BCAS3: variants seen among roughly 807,000 people sequenced by gnomAD.
BCAS3 encodes the protein BCAS3 microtubule associated cell migration factor.
BCAS3 carries 53 observed loss-of-function variants against 116.1 expected under a neutral mutation model. That is an observed-to-expected ratio of 0.46 (90% CI 0.37 to 0.57). BCAS3 has a LOEUF of 0.57. Among genes scored for constraint, BCAS3 ranks in the 20% least tolerant of loss-of-function variants. BCAS3 has a pLI of 0.00. For synonymous variants in BCAS3, 391 were observed against 408.2 expected (o/e 0.96, Z 0.51); for missense variants, 917 against 1,165.4 (o/e 0.79, Z 3.10).
At chr17:60,835,362 A>G (rs1224264767) in intron 7 of BCAS3, among the ~76,000 whole-genome samples, 1 of 152,000 alleles carries the variant, frequency 6.6e-6, no homozygotes, top group African/African-American at 2.4e-5. Context: ...CAGATTTGTT[A>G]GTTTTTTCTT....
rs3902106 is a variant in BCAS3, at chr17:61,310,707, G to C, written c.2426-57620G>C. 2.6e-5 allele frequency among the ~76,000 whole-genome samples: 4 copies of C among 152,024 alleles called. No individual in the cohort carries two copies. The South Asian group carries it at 6.2e-4, about 24-fold the overall frequency. On this transcript the variant is annotated intron_variant, in intron 22 of 23. Coordinates refer to ENST00000407086, the MANE Select transcript of BCAS3 (RefSeq NM_017679.5). ...AATTAGAGGTATGAGAGACATGAAGGGGGGCAGGCCTCTGTGCCCCGCCCT... is the reference window on the plus strand; with the variant it reads ...AATTAGAGGTATGAGAGACATGAAGCGGGGCAGGCCTCTGTGCCCCGCCCT...
intron 19 of BCAS3, among the ~76,000 whole-genome samples, chr17:61,046,084 A>ATATAATATATATATT (rs2068293022): frequency 2.7e-5 from 1 of 36,530 alleles, no homozygotes; most frequent in African/African-American, 2.5e-4. Flanking sequence ...ATATATATTT[A>ATATAATATATATATT]TATATATATA....
At chr17:60,954,987 A>C (rs545649482) in intron 14 of BCAS3, among the ~76,000 whole-genome samples, 47 of 152,204 alleles carry the variant, frequency 3.1e-4, no homozygotes, top group African/African-American at 1.1e-3. Flanking sequence ...TTCCTTATCT[A>C]GGTGGAATCA....
rs117065179 is a variant in BCAS3 at position 61,098,720 on chromosome 17, A to G, written c.2425+14156A>G. On this transcript the variant is annotated intron_variant, in intron 22 of 23. Coordinates refer to ENST00000407086, the MANE Select transcript of BCAS3 (RefSeq NM_017679.5). The surrounding 1 kb of genome is among the most constrained non-coding windows in gnomAD (Gnocchi z 4.2). ...AATTCTTAAGTCTCTAAATGTTTTT[A>G]CGTTGTTGTGATCAGGATTTCTTTG... 2.6e-5 allele frequency among the ~76,000 whole-genome samples: 4 copies of G among 152,300 alleles called. No homozygotes were observed. The East Asian group carries it at 7.7e-4, about 29-fold the overall frequency.
At chr17:60,943,682 A>T (rs2060337017) in intron 13 of BCAS3, among the ~76,000 whole-genome samples, 1 of 152,056 alleles carries the variant, frequency 6.6e-6, no homozygotes, top group African/African-American at 2.4e-5. Flanking sequence ...AGATGCAAAC[A>T]TCACTACCAA....
intron 22 of BCAS3, among the ~76,000 whole-genome samples, chr17:61,359,555 C>T (rs1289715373): frequency 1.3e-5 from 2 of 151,330 alleles, no homozygotes; most frequent in Admixed American, 6.6e-5. Context: ...AGTGCGGTGC[C>T]GCGGATCTCA....
chr17:60,764,032 C>T (rs935593048), intron 6 of BCAS3, among the ~76,000 whole-genome samples: 4 of 152,148 alleles, frequency 2.6e-5, no homozygotes, highest in Non-Finnish European at 4.4e-5. Context: ...TCTGTGGGAT[C>T]GCTGGTGAGA....
intron 22 of BCAS3, among the ~76,000 whole-genome samples, chr17:61,340,628 G>A (rs1171223384): frequency 6.6e-6 from 1 of 152,208 alleles, no homozygotes; most frequent in Non-Finnish European, 1.5e-5. Flanking sequence ...GTCGCTGCGG[G>A]GGACGGGGAG....
chr17:60,727,631 A>G (rs748298663), intron 5 of BCAS3: 7 of 531,594 alleles, frequency 1.3e-5, no homozygotes, highest in Non-Finnish European at 1.9e-5. Context: ...CTGAGTAGAA[A>G]GTATACGGAG....
At chr17:61,246,446 T>G (rs2047952165) in intron 22 of BCAS3, among the ~76,000 whole-genome samples, 2 of 124,860 alleles carry the variant, frequency 1.6e-5, no homozygotes, top group African/African-American at 6.5e-5. Context: ...CACACCAGCC[T>G]GGGTAACAGA....
intron 22 of BCAS3, among the ~76,000 whole-genome samples, chr17:61,357,282 TAAA>T (rs1568930911): frequency 4.9e-5 from 7 of 143,884 alleles, no homozygotes; most frequent in East Asian, 2.0e-4. Context: ...ATTAATTAAA[TAAA>T]TAAATAAATA....
chr17:60,938,908 A>G lies in BCAS3; in HGVS notation c.1088-8311A>G, dbSNP rs781612310. Among the ~76,000 whole-genome samples, 124 of 152,230 alleles carry G rather than the reference A, an allele frequency of 8.1e-4. 1 individual carries two copies. The highest frequency in any genetic ancestry group is 2.2e-4 in the Non-Finnish European group (15 of 68,040). The stretch of plus-strand genomic sequence containing the variant: ...GCAAATTAAAACTGTGAGAATACCA[A>G]TTGAAATTATTAAAAAGACTGACAG... On this transcript the variant is annotated intron_variant, in intron 13 of 23. Coordinates refer to ENST00000407086, the MANE Select transcript of BCAS3 (RefSeq NM_017679.5).
intron 15 of BCAS3, among the ~76,000 whole-genome samples, chr17:61,009,675 A>G (rs1031140972): frequency 6.6e-5 from 10 of 152,190 alleles, no homozygotes; most frequent in Middle Eastern, 3.4e-3. Flanking sequence ...ACAACTATAC[A>G]TATGTACACA....
At chr17:60,921,916 T>C (rs532081971) in intron 12 of BCAS3, among the ~76,000 whole-genome samples, 1 of 152,102 alleles carries the variant, frequency 6.6e-6, no homozygotes, top group African/African-American at 2.4e-5. Flanking sequence ...AGAGAGACAT[T>C]TCATTCACGA....
At chr17:60,872,639 C>T (rs1222983721) in intron 8 of BCAS3, among the ~76,000 whole-genome samples, 1 of 151,054 alleles carries the variant, frequency 6.6e-6, no homozygotes, top group East Asian at 1.9e-4. Flanking sequence ...CACATACACA[C>T]ACACCCCGAT....
At chr17:61,094,529 CTGTT>C (rs1326320710) in intron 22 of BCAS3, among the ~76,000 whole-genome samples, 2 of 152,200 alleles carry the variant, frequency 1.3e-5, no homozygotes, top group Admixed American at 6.5e-5. Flanking sequence ...CCACCACTGT[CTGTT>C]TAACAGAGTC....
chr17:61,327,913 A>G lies in BCAS3; in HGVS notation c.2426-40414A>G, dbSNP rs79709069. Among the ~76,000 whole-genome samples the G allele has an allele frequency of 0.014, 2,167 of 152,304 alleles. 44 individuals are homozygous for G. Among genetic ancestry groups the G allele is most frequent in the African/African-American group, 0.047 (1,966 of 41,554 alleles). ...GGTTGATCAGACACTGTTGGTGTAA[A>G]TTGGTGCACCCTTTTTGGAAGGCAG... is the stretch of plus-strand genomic sequence containing the variant. On this transcript the variant is annotated intron_variant, in intron 22 of 23. Coordinates refer to ENST00000407086, the MANE Select transcript of BCAS3 (RefSeq NM_017679.5). This position sits in a 1 kb window ranked among gnomAD's most constrained non-coding sequence, Gnocchi z 5.9.
chr17:60,912,312 A>G (rs1172738621), intron 12 of BCAS3, among the ~76,000 whole-genome samples: 1 of 152,130 alleles, frequency 6.6e-6, no homozygotes, highest in Non-Finnish European at 1.5e-5. Context: ...CTTAGAAACT[A>G]TGTGAGCTGT....
At chr17:60,798,402 T>C (rs1218324684) in intron 6 of BCAS3, among the ~76,000 whole-genome samples, 2 of 152,238 alleles carry the variant, frequency 1.3e-5, no homozygotes, top group African/African-American at 4.8e-5. Flanking sequence ...ATCTTTTTAC[T>C]GTCCCCATAG....
Sources: gnomAD v4.1 joint callset for allele counts (sites outside exome capture counted in the v4.1 genomes callset) on GRCh38, gnomAD v4.1.1 for gene constraint, Gnocchi (gnomAD v3.1) non-coding constraint, MANE v1.5 for transcripts, NCBI Gene and HGNC (gene_info 2026-07-23, HGNC 2026-07-21) for gene names.